Variants in ANK3 observed in about 807,000 individuals in gnomAD.
The protein encoded by ANK3 is ankyrin 3.
A neutral mutation model predicts 370.9 loss-of-function variants in ANK3; 57 were observed. The ratio of observed to expected loss-of-function variants is 0.15; its 90% CI spans 0.12 to 0.19. ANK3 has a LOEUF of 0.19. Among genes scored for constraint, ANK3 ranks in the 10% least tolerant of loss-of-function variants. The pLI is 1.00. For synonymous variants in ANK3, 1,929 were observed against 1,946.3 expected (o/e 0.99, Z 0.23); for missense variants, 4,439 against 5,302.1 (o/e 0.84, Z 5.06).
intron 2 of ANK3, among the ~76,000 whole-genome samples, chr10:60,530,236 C>A (rs2133198761): frequency 6.6e-6 from 1 of 152,240 alleles, no homozygotes; most frequent in South Asian, 2.1e-4. Context: ...AGGAAGCTCA[C>A]AAGAAGCCAT....
At chr10:60,051,757 C>A (rs1589273306) in intron 42 of ANK3, among the ~76,000 whole-genome samples, 1 of 143,700 alleles carries the variant, frequency 7.0e-6, no homozygotes, top group South Asian at 2.2e-4. Context: ...AATTTTTGAC[C>A]AGGATTCTAA....
intron 23 of ANK3, among the ~76,000 whole-genome samples, chr10:60,151,841 A>T (rs2095133400): frequency 6.6e-6 from 1 of 152,202 alleles, no homozygotes; most frequent in African/African-American, 2.4e-5. Flanking sequence ...TCCAGCACTG[A>T]TGTTGTGTGA....
chr10:60,701,550 T>C (rs184635531), intron 1 of ANK3, among the ~76,000 whole-genome samples: 1 of 152,268 alleles, frequency 6.6e-6, no homozygotes, highest in Admixed American at 6.5e-5. Flanking sequence ...CTAAATAAAA[T>C]TATGGTACAT....
chr10:60,719,306 C>A lies in ANK3; in HGVS notation c.57+13957G>T, dbSNP rs901643042. Among the ~76,000 whole-genome samples, 4 of 152,194 alleles carry A rather than the reference C, an allele frequency of 2.6e-5. No homozygotes were observed. The South Asian group carries it at 8.3e-4, about 32-fold the overall frequency. On this transcript the variant is annotated intron_variant, in intron 1 of 43. Coordinates refer to the ANK3 transcript ENST00000373827. The stretch of plus-strand genomic sequence containing the variant: ...TTACAAACACTGTTGTAATAAGCAT[C>A]CTTGTAAATATTAATATATCCTTAC...
At chr10:60,730,332 A>T (rs2080004078) in intron 1 of ANK3, among the ~76,000 whole-genome samples, 1 of 151,618 alleles carries the variant, frequency 6.6e-6, no homozygotes, top group Non-Finnish European at 1.5e-5. Flanking sequence ...TAATTTTTTC[A>T]TTTTCTGTAG....
chr10:60,298,243 A>G (rs2042955254), intron 1 of ANK3, among the ~76,000 whole-genome samples: 1 of 152,186 alleles, frequency 6.6e-6, no homozygotes, highest in Admixed American at 6.5e-5. Context: ...TTCATCAATC[A>G]TTTATGTCAA....
intron 2 of ANK3, among the ~76,000 whole-genome samples, chr10:60,474,055 C>A (rs2074991722): frequency 6.6e-6 from 1 of 151,364 alleles, no homozygotes; most frequent in South Asian, 2.1e-4. Flanking sequence ...ATTGCTTGAG[C>A]CCAGGAGTTC....
Position 60,086,671 on chromosome 10 carries a change from C to A in ANK3, c.3748+6G>T. On this transcript the variant is annotated splice_donor_region_variant and intron_variant, in intron 30 of 43. Transcript: ENST00000280772. ...AATAGGAAGTACAGCAGTGACTTAA[C>A]CAAACCTGTAATGCTACAGAGAAGA... 6.2e-7 allele frequency: 1 copy of A among 1,610,808 alleles called. No homozygotes were observed. The highest frequency in any genetic ancestry group is 2.2e-5 in the East Asian group (1 of 44,788).
intron 2 of ANK3, among the ~76,000 whole-genome samples, chr10:60,565,031 A>G (rs961982612): frequency 8.5e-5 from 13 of 152,116 alleles, no homozygotes; most frequent in Admixed American, 5.2e-4. Flanking sequence ...TTCAGTAATC[A>G]TTGACAATGA....
intron 23 of ANK3, among the ~76,000 whole-genome samples, chr10:60,150,490 G>A (rs930997733): frequency 2.6e-5 from 4 of 152,106 alleles, no homozygotes; most frequent in Non-Finnish European, 5.9e-5. Context: ...CATGGCACCT[G>A]ACATGGTTTG....
intron 1 of ANK3, among the ~76,000 whole-genome samples, chr10:60,331,266 A>G (rs966623462): frequency 1.7e-4 from 6 of 35,452 alleles, no homozygotes; most frequent in African/African-American, 4.0e-4. Context: ...AAAGTATAAT[A>G]AAAAAAAATC....
intron 2 of ANK3, among the ~76,000 whole-genome samples, chr10:60,406,589 ACCTC>A (rs2063461010): frequency 1.3e-5 from 2 of 152,014 alleles, no homozygotes; most frequent in Admixed American, 6.6e-5. Context: ...ATGCTGGCTC[ACCTC>A]CTGCTGTGTG....
At position 60,075,336 on chromosome 10, in the gene ANK3, C is replaced by A; in HGVS notation, c.5545G>T (p.Ala1849Ser). The A allele has an allele frequency of 6.2e-7, 1 of 1,614,124 alleles. No individual in the cohort carries two copies. The highest frequency in any genetic ancestry group is 8.5e-7 in the Non-Finnish European group (1 of 1,180,000). ...TTAATGGGTGACAGCAAGGCTGCTG[C>A]TGATTTTGTAAATGAATTAGAGTCT... ...LPDSNSFTKS[A>S]AALLSPIKTL... is the part of the protein sequence containing the mutation. The change falls in exon 37 of 44, where the codon GCA becomes TCA. Residue 1849 changes from alanine (A) to serine (S), a missense_variant. Coordinates refer to ENST00000280772, the MANE Select transcript of ANK3 (RefSeq NM_020987.5).
chr10:60,336,059 C>T (rs1048031265), intron 1 of ANK3, among the ~76,000 whole-genome samples: 3 of 150,958 alleles, frequency 2.0e-5, no homozygotes, highest in Non-Finnish European at 4.4e-5. Context: ...ATCACTGGTG[C>T]ATTATTGAGA....
chr10:60,100,570 T>C (rs2091074285), intron 28 of ANK3, among the ~76,000 whole-genome samples: 1 of 152,164 alleles, frequency 6.6e-6, no homozygotes, highest in Non-Finnish European at 1.5e-5. Flanking sequence ...CCCTTTCCTG[T>C]TTACAATAAA....
chr10:60,701,287 G>A (rs1211720827), intron 1 of ANK3, among the ~76,000 whole-genome samples: 2 of 151,976 alleles, frequency 1.3e-5, no homozygotes, highest in East Asian at 1.9e-4. Context: ...ATATGTGGTC[G>A]AGAATATAAA....
intron 23 of ANK3, among the ~76,000 whole-genome samples, chr10:60,142,607 A>G (rs1398595441): frequency 4.6e-5 from 7 of 151,770 alleles, no homozygotes; most frequent in Admixed American, 6.6e-5. Context: ...TAAAATTTCA[A>G]TGAAAGTAAG....
intron 1 of ANK3, among the ~76,000 whole-genome samples, chr10:60,678,625 A>T (rs1219057617): frequency 6.6e-6 from 1 of 152,232 alleles, no homozygotes; most frequent in Non-Finnish European, 1.5e-5. Flanking sequence ...TATTACAGAT[A>T]ATGTTAACAG....
At chr10:60,691,384 G>T (rs769557967) in intron 1 of ANK3, among the ~76,000 whole-genome samples, 4 of 152,168 alleles carry the variant, frequency 2.6e-5, no homozygotes, top group Non-Finnish European at 4.4e-5. Context: ...TAGGCAAATT[G>T]CCAACTCTGA....
Sources: gnomAD v4.1 joint callset for allele counts (sites outside exome capture counted in the v4.1 genomes callset) on GRCh38, gnomAD v4.1.1 for gene constraint, MANE v1.5 for transcripts, NCBI Gene and HGNC (gene_info 2026-07-23, HGNC 2026-07-21) for gene names.